Variants in JAM2 observed in about 807,000 individuals in gnomAD.
JAM2 encodes the protein junctional adhesion molecule 2.
In JAM2, 17 loss-of-function variants were observed where a neutral mutation model predicts 42.0. The observed-to-expected ratio is 0.40, with a 90% CI of 0.28 to 0.61. JAM2 has a LOEUF of 0.61. Among genes scored for constraint, JAM2 ranks in the 20% least tolerant of loss-of-function variants. The pLI is 0.37. For synonymous variants in JAM2, 118 were observed against 128.6 expected, an observed-to-expected ratio of 0.92 and a Z score of 0.56; for missense variants, 319 against 358.3, an observed-to-expected ratio of 0.89 and a Z score of 0.89.
intron 3 of JAM2, among the ~76,000 whole-genome samples, chr21:25,690,195 C>A (rs564248917): frequency 2.6e-5 from 4 of 152,374 alleles, no homozygotes; most frequent in Admixed American, 2.6e-4. Context: ...TCTCTCTCAA[C>A]TCAGGCATAA....
intron 1 of JAM2, among the ~76,000 whole-genome samples, chr21:25,675,123 G>C (rs1220076883): frequency 6.6e-6 from 1 of 152,150 alleles, no homozygotes. Context: ...GGAAGGCGAA[G>C]GGGGCACAGG....
At chr21:25,657,392 G>A (rs2032967918) in intron 1 of JAM2, among the ~76,000 whole-genome samples, 1 of 152,170 alleles carries the variant, frequency 6.6e-6, no homozygotes, top group Non-Finnish European at 1.5e-5. Flanking sequence ...CAAAAGGACA[G>A]GGTTGGTGGA....
At position 25,714,747 on chromosome 21, in the gene JAM2, TC is replaced by T; in HGVS notation, c.*77del. 1 of 1,004,596 alleles carries T rather than the reference TC, an allele frequency of 1.0e-6. No individual in the cohort carries two copies. The highest frequency in any genetic ancestry group is 2.8e-5 in the Admixed American group (1 of 35,524). The allele number at this position is 1,004,596 out of a possible 1,614,324, so 62.2% of individuals were successfully genotyped here. A position where few individuals can be genotyped will look rare whatever the true frequency, so the allele number is the denominator to read the frequency against. ...TAAACTATTATAAAACTCTGCTTTG[TC>T]CGACATTTGCAAAGAGGTACACGAG... On this transcript the variant is annotated 3_prime_UTR_variant, in exon 10 of 10. Coordinates refer to ENST00000480456, the MANE Select transcript of JAM2 (RefSeq NM_021219.4).
At chr21:25,670,443 G>A (rs1244223236) in intron 1 of JAM2, among the ~76,000 whole-genome samples, 2 of 151,782 alleles carry the variant, frequency 1.3e-5, no homozygotes, top group South Asian at 2.1e-4. Context: ...CTATGATCAC[G>A]CCACTGCACT....
chr21:25,706,328 T>C (rs1025344818), intron 7 of JAM2, among the ~76,000 whole-genome samples: 6 of 151,996 alleles, frequency 3.9e-5, no homozygotes, highest in African/African-American at 1.4e-4. Context: ...ATTGCAAGTG[T>C]GCACCAACAC....
intron 5 of JAM2, among the ~76,000 whole-genome samples, chr21:25,699,610 C>T (rs2034119157): frequency 6.6e-6 from 1 of 151,164 alleles, no homozygotes; most frequent in Non-Finnish European, 1.5e-5. Context: ...GTAGTCCCAG[C>T]TACTCGGGAG....
intron 4 of JAM2, among the ~76,000 whole-genome samples, chr21:25,695,586 C>A (rs1391472889): frequency 7.1e-6 from 1 of 141,612 alleles, no homozygotes; most frequent in Non-Finnish European, 1.5e-5. Context: ...CCGGACGGGG[C>A]GGCGGCCGGG....
chr21:25,703,724 T>G (rs76278237), intron 6 of JAM2, among the ~76,000 whole-genome samples: 2 of 149,020 alleles, frequency 1.3e-5, no homozygotes, highest in Non-Finnish European at 3.0e-5. Flanking sequence ...TCCTTTTCTT[T>G]CAGTAAAAAA....
intron 1 of JAM2, among the ~76,000 whole-genome samples, chr21:25,666,563 G>A (rs2033230106): frequency 6.6e-6 from 1 of 152,020 alleles, no homozygotes; most frequent in African/African-American, 2.4e-5. Context: ...TTGAGACAAG[G>A]TCTTGCTCTG....
intron 9 of JAM2, among the ~76,000 whole-genome samples, chr21:25,713,015 A>G (rs1341608587): frequency 6.6e-6 from 1 of 152,194 alleles, no homozygotes; most frequent in East Asian, 1.9e-4. Flanking sequence ...ATAGATGGAG[A>G]CTTCCTGCTG....
chr21:25,663,228 C>T (rs891296046), intron 1 of JAM2, among the ~76,000 whole-genome samples: 21 of 152,078 alleles, frequency 1.4e-4, no homozygotes, highest in Admixed American at 1.4e-3. Context: ...AAGATGGGAG[C>T]CTGTTCCGAA....
In JAM2 at chr21:25,688,558, C is replaced by G. The variant is rs181846245; in HGVS notation, c.134-1308C>G. ...CCTTAGCACACGTTTGTCTTTGTAG[C>G]ATAATTGTAAACATGTCTGTAAAAT... On this transcript the variant is annotated intron_variant, in intron 2 of 9. Coordinates refer to ENST00000480456, the MANE Select transcript of JAM2 (RefSeq NM_021219.4). Among the ~76,000 whole-genome samples, 7 of 152,314 alleles carry G rather than the reference C, an allele frequency of 4.6e-5. No individual in the cohort carries two copies. In the East Asian group the frequency reaches 1.3e-3, roughly 29 times the overall value.
At chr21:25,678,899 A>T (rs1445084296) in intron 1 of JAM2, among the ~76,000 whole-genome samples, 1 of 152,224 alleles carries the variant, frequency 6.6e-6, no homozygotes, top group Non-Finnish European at 1.5e-5. Flanking sequence ...GCCTGTGCTC[A>T]AGTGATCCTC....
rs79129184 is a variant in JAM2 at position 25,701,974 on chromosome 21, C to T, written c.598-196C>T. Among the ~76,000 whole-genome samples the T allele has an allele frequency of 5.9e-4, 89 of 151,042 alleles. 1 individual carries two copies. The East Asian group carries it at 0.015, about 25-fold the overall frequency. On this transcript the variant is annotated intron_variant, in intron 5 of 9. Transcript: ENST00000480456. Reference sequence around the variant, plus strand: ...GTATGTATTTTATCTTTGTTCTTCTCGTCAAATTAAGCAAAAGTCTAGCTT... The same window carrying T: ...GTATGTATTTTATCTTTGTTCTTCTTGTCAAATTAAGCAAAAGTCTAGCTT...
chr21:25,709,365 A>G, intron 7 of JAM2, 69 bp from the exon 8 acceptor site: 1 of 818,932 alleles, frequency 1.2e-6, no homozygotes, highest in Non-Finnish European at 1.9e-6. Context: ...ACCCAAACTC[A>G]TTTTTATATG....
chr21:25,652,808 C>T (rs1181786531), intron 1 of JAM2, among the ~76,000 whole-genome samples: 2 of 152,142 alleles, frequency 1.3e-5, no homozygotes, highest in African/African-American at 4.8e-5. Flanking sequence ...TATCTGTCTA[C>T]TAAAAAGGCC....
intron 4 of JAM2, among the ~76,000 whole-genome samples, chr21:25,698,339 G>T (rs1036820972): frequency 7.2e-5 from 11 of 152,206 alleles, no homozygotes; most frequent in Admixed American, 5.9e-4. Context: ...TAGTTGCAGG[G>T]GGTGGAGGAT....
chr21:25,663,570 T>G (rs2033144584), intron 1 of JAM2, among the ~76,000 whole-genome samples: 1 of 152,068 alleles, frequency 6.6e-6, no homozygotes, highest in Non-Finnish European at 1.5e-5. Context: ...ATTAACAATT[T>G]AAGGAATTAA....
chr21:25,696,397 G>GGAGGGAGAGGGAGGAGGAGGGGGA (rs1397512787), intron 4 of JAM2, among the ~76,000 whole-genome samples: 3 of 152,130 alleles, frequency 2.0e-5, no homozygotes, highest in South Asian at 2.1e-4. Flanking sequence ...AGACAGAGAG[G>GGAGGGAGAGGGAGGAGGAGGGGGA]GAGGGAGAGG....
Sources: allele counts gnomAD v4.1 joint callset (sites outside exome capture counted in the v4.1 genomes callset), GRCh38; gene constraint gnomAD v4.1.1; transcripts MANE v1.5; gene names NCBI Gene and HGNC (gene_info 2026-07-23, HGNC 2026-07-21).